Variants in NMRAL1 observed in about 807,000 individuals in gnomAD.
The protein encoded by NMRAL1 is nmrA-like family domain-containing protein 1.
Under a neutral mutation model 27.5 loss-of-function variants are expected in NMRAL1, and 32 were observed. The observed-to-expected ratio is 1.16, with a 90% CI of 0.88 to 1.56. NMRAL1 has a LOEUF of 1.56. Ranked by LOEUF, NMRAL1 falls within the 40% of genes most tolerant of loss-of-function variation. NMRAL1 has a pLI of 0.00. For synonymous variants in NMRAL1, 166 were observed against 166.8 expected (o/e 1.00, Z 0.04); for missense variants, 420 against 392.0 (o/e 1.07, Z -0.60).
intron 5 of NMRAL1, chr16:4,463,336 G>T: frequency 2.4e-6 from 1 of 408,658 alleles, no homozygotes; most frequent in South Asian, 3.7e-5. Flanking sequence ...GGGAGGGGTC[G>T]GGTCTATCTT....
In NMRAL1 at chr16:4,474,090, C is replaced by A; in HGVS notation, c.40+3G>T. 1 of 1,611,644 alleles carries A rather than the reference C, an allele frequency of 6.2e-7. No individual in the cohort carries two copies. The highest frequency in any genetic ancestry group is 1.1e-5 in the South Asian group (1 of 90,524). On this transcript the variant is annotated splice_donor_region_variant and intron_variant, in intron 2 of 5. Coordinates refer to ENST00000283429, the MANE Select transcript of NMRAL1 (RefSeq NM_020677.6). ...AAGGGCCCCAGTCTGGGGTTTGGCT[C>A]ACCTGTGCCTCCGAAAACCACCACC...
At chr16:4,467,809 A>G (rs976668029) in intron 3 of NMRAL1, among the ~76,000 whole-genome samples, 9 of 151,356 alleles carry the variant, frequency 5.9e-5, no homozygotes, top group Non-Finnish European at 1.2e-4. Flanking sequence ...TAGTAGAGAC[A>G]GGGTTTCACT....
At chr16:4,463,578 G>A (rs556133361) in intron 5 of NMRAL1, 82 bp downstream of exon 5, 143 of 1,221,824 alleles carry the variant, frequency 1.2e-4, no homozygotes, top group Non-Finnish European at 1.6e-4. Flanking sequence ...CCAGAGGTGT[G>A]GGCAGCCCTG....
intron 2 of NMRAL1, among the ~76,000 whole-genome samples, chr16:4,471,667 C>T (rs969306754): frequency 2.0e-5 from 3 of 150,504 alleles, no homozygotes; most frequent in Admixed American, 1.3e-4. Flanking sequence ...TATTTTACCT[C>T]ATAATTAAAA....
At chr16:4,469,506 G>A in intron 2 of NMRAL1, 41 bp from the exon 3 acceptor site, 1 of 1,607,626 alleles carries the variant, frequency 6.2e-7, no homozygotes, top group Non-Finnish European at 8.5e-7. Context: ...AGACCTACCT[G>A]AAAGTCCCAC....
At chr16:4,462,749 T>C (rs983568124) in intron 5 of NMRAL1, among the ~76,000 whole-genome samples, 18 of 152,034 alleles carry the variant, frequency 1.2e-4, no homozygotes, top group African/African-American at 4.3e-4. Context: ...TGGTCTCGAT[T>C]TCCTGACCTT....
chr16:4,472,070 G>C (rs1423420779), intron 2 of NMRAL1, among the ~76,000 whole-genome samples: 2 of 148,366 alleles, frequency 1.3e-5, no homozygotes, highest in East Asian at 4.1e-4. Flanking sequence ...GCAAGACCCT[G>C]ACTCAGAAAA....
At chr16:4,463,045 G>C (rs1365949908) in intron 5 of NMRAL1, among the ~76,000 whole-genome samples, 1 of 151,670 alleles carries the variant, frequency 6.6e-6, no homozygotes, top group Non-Finnish European at 1.5e-5. Context: ...AGTAGAGATG[G>C]GGTTTCACCC....
chr16:4,461,907 G>A lies in NMRAL1; in HGVS notation c.773C>T (p.Ala258Val), dbSNP rs2057126722. 2 of 1,614,206 alleles carry A rather than the reference G, an allele frequency of 1.2e-6. No individual in the cohort carries two copies. The highest frequency in any genetic ancestry group is 4.5e-5 in the East Asian group (2 of 44,880). The part of the protein sequence containing the change: ...KLGFPGARDL[A>V]NMFRFYALRP... ...CAGGGCATAGAAACGGAACATGTTG[G>A]CCAGGTCCCGGGCACCGGGAAAGCC... The change falls in exon 6 of 6, where the codon GCC becomes GTC. Residue 258 changes from alanine (A) to valine (V), a missense_variant. Ala to Val is a moderately conservative substitution (Grantham distance 64). Transcript: ENST00000283429.
At chr16:4,465,104 G>T (rs2057268324) in intron 4 of NMRAL1, among the ~76,000 whole-genome samples, 3 of 151,650 alleles carry the variant, frequency 2.0e-5, no homozygotes, top group Middle Eastern at 3.4e-3. Context: ...TAGAGATGGG[G>T]TTTCACACCA....
chr16:4,468,909 G>A (rs2057435141), intron 3 of NMRAL1, among the ~76,000 whole-genome samples: 1 of 149,884 alleles, frequency 6.7e-6, no homozygotes, highest in Non-Finnish European at 1.5e-5. Context: ...ACCTGTGCAT[G>A]TACCCCTGAA....
chr16:4,471,156 C>T (rs1025798716), intron 2 of NMRAL1, among the ~76,000 whole-genome samples: 4 of 151,970 alleles, frequency 2.6e-5, no homozygotes, highest in African/African-American at 7.3e-5. Flanking sequence ...TTGAATTCTT[C>T]CTGAAGTAGA....
At chr16:4,475,529 C>T (rs1387541133), upstream of NMRAL1, among the ~76,000 whole-genome samples, 2 of 149,592 alleles carry the variant, frequency 1.3e-5, no homozygotes, top group African/African-American at 4.9e-5. Context: ...CCAGGCTGGT[C>T]TCGAACTGCT....
intron 1 of NMRAL1, 36 bp from the exon 2 acceptor site, chr16:4,474,202 G>T (rs919442312): frequency 4.4e-5 from 67 of 1,518,098 alleles, no homozygotes; most frequent in Non-Finnish European, 6.0e-5. Context: ...TGGGGGTGGG[G>T]CCGGGGTTCC....
At chr16:4,467,393 C>G (rs1455323684) in intron 3 of NMRAL1, among the ~76,000 whole-genome samples, 3 of 151,846 alleles carry the variant, frequency 2.0e-5, no homozygotes, top group Non-Finnish European at 4.4e-5. Flanking sequence ...GCCACCATGC[C>G]TGGCTAATTT....
At chr16:4,466,828 G>C (rs146480480) in intron 3 of NMRAL1, 2 of 208,030 alleles carry the variant, frequency 9.6e-6, no homozygotes, top group Admixed American at 5.3e-5. Context: ...TGCCATGTAC[G>C]AGCAGTGTGA....
At position 4,474,106 on chromosome 16, in the gene NMRAL1, A is replaced by G; in HGVS notation, c.27T>C (p.Val9=). 6.2e-7 allele frequency: 1 copy of G among 1,612,426 alleles called. No homozygotes were observed. The highest frequency in any genetic ancestry group is 8.5e-7 in the Non-Finnish European group (1 of 1,179,222). Residue 9 remains valine (V), a synonymous_variant, in exon 2 of 6, where the codon GTT becomes GTC. Transcript: ENST00000283429. The stretch of plus-strand genomic sequence containing the variant: ...GGTTTGGCTCACCTGTGCCTCCGAA[A>G]ACCACCACCAGTTTCTTGTCCACCA... MVDKKLVV[V]FGGTGAQGGS...
chr16:4,470,954 A>AG lies in NMRAL1; in HGVS notation c.41-1490_41-1489insC, dbSNP rs1200205776. Among the ~76,000 whole-genome samples, 24 of 151,578 alleles carry AG rather than the reference A, an allele frequency of 1.6e-4. No homozygotes were observed. The East Asian group carries it at 4.5e-3, about 28-fold the overall frequency. On this transcript the variant is annotated intron_variant, in intron 2 of 5. Transcript: ENST00000283429. ...AGAGCAAGACTCCGTCTCAAAAAAA[A>AG]AAAAAAATTAGCTGGGCATGGTGGA...
chr16:4,474,264 G>A, intron 1 of NMRAL1, 98 bp from the exon 2 acceptor site: 1 of 846,914 alleles, frequency 1.2e-6, no homozygotes, highest in Non-Finnish European at 1.9e-6. Flanking sequence ...AGTATGTGTC[G>A]AAGGGGGCGG....
Sources: gnomAD v4.1 joint callset for allele counts (sites outside exome capture counted in the v4.1 genomes callset) on GRCh38, gnomAD v4.1.1 for gene constraint, MANE v1.5 for transcripts, NCBI Gene and HGNC (gene_info 2026-07-23, HGNC 2026-07-21) for gene names.